PLSCR1: variants seen among roughly 807,000 people sequenced by gnomAD.
PLSCR1 encodes phospholipid scramblase 1.
Under a neutral mutation model 37.8 loss-of-function variants are expected in PLSCR1, and 17 were observed. The ratio of observed to expected loss-of-function variants is 0.45; its 90% CI spans 0.31 to 0.68. The LOEUF (loss-of-function observed/expected upper bound fraction) is 0.68, where lower values mean the gene tolerates loss of function less well. Among genes scored for constraint, PLSCR1 ranks in the 30% least tolerant of loss-of-function variants. PLSCR1 has a pLI of 0.06. For missense variants in PLSCR1, 347 were observed against 380.9 expected (o/e 0.91, Z 0.74); for synonymous variants, 116 against 125.9 (o/e 0.92, Z 0.53).
intron 4 of PLSCR1, among the ~76,000 whole-genome samples, chr3:146,526,635 T>G (rs1048916942): frequency 6.6e-6 from 1 of 152,144 alleles, no homozygotes; most frequent in East Asian, 1.9e-4. Flanking sequence ...AACCTAAGTA[T>G]TCATCAATAG....
chr3:146,528,312 A>T (rs1209984454), intron 4 of PLSCR1: 1 of 348,304 alleles, frequency 2.9e-6, no homozygotes, highest in East Asian at 6.8e-5. Context: ...GACTTTCAAT[A>T]AGGATTAAAT....
At chr3:146,523,825 C>G (rs1347153568) in intron 5 of PLSCR1, among the ~76,000 whole-genome samples, 1 of 152,206 alleles carries the variant, frequency 6.6e-6, no homozygotes, top group African/African-American at 2.4e-5. Context: ...GGAAACCTCT[C>G]CATATTTAAA....
At chr3:146,519,437 G>A (rs1190252275) in intron 7 of PLSCR1, among the ~76,000 whole-genome samples, 1 of 152,000 alleles carries the variant, frequency 6.6e-6, no homozygotes, top group Non-Finnish European at 1.5e-5. Context: ...AGCTGACTTG[G>A]TATGTCAGTT....
At chr3:146,525,320 AGTC>A (rs1459063867) in intron 5 of PLSCR1, among the ~76,000 whole-genome samples, 4 of 152,246 alleles carry the variant, frequency 2.6e-5, no homozygotes, top group Non-Finnish European at 5.9e-5. Flanking sequence ...AAGTGGTAGA[AGTC>A]AGAAAAAAAG....
chr3:146,536,534 A>C lies in PLSCR1; in HGVS notation c.13+6T>G. The C allele has an allele frequency of 1.5e-6, 2 of 1,357,880 alleles. No individual in the cohort carries two copies. Among genetic ancestry groups the C allele is most frequent in the South Asian group, 2.3e-5 (2 of 85,654 alleles). 84.1% of individuals were successfully genotyped at this position (1,357,880 alleles called of 1,614,324 possible). A position where few individuals can be genotyped will look rare whatever the true frequency, so the allele number is the denominator to read the frequency against. On this transcript the variant is annotated splice_donor_region_variant and intron_variant, in intron 2 of 8. Transcript: ENST00000342435. ...GGAAAGTAAACATTTAAAATAAATT[A>C]CTTACTTTGTTTGTCCATGATTAAA... is the stretch of plus-strand genomic sequence containing the variant.
In PLSCR1 at chr3:146,544,595, C is replaced by T. The variant is rs1189589791; in HGVS notation, c.-142G>A. On this transcript the variant is annotated 5_prime_UTR_variant, in exon 1 of 9. Coordinates refer to ENST00000342435, the MANE Select transcript of PLSCR1 (RefSeq NM_021105.3). ...CTGCGCAACCTTCTCAGAAGTCAGC[C>T]GGAAAAGGGTCTGGGAGTAACCTTT... is the stretch of plus-strand genomic sequence containing the variant. 1.3e-5 allele frequency: 2 copies of T among 152,384 alleles called. No individual in the cohort carries two copies. The highest frequency in any genetic ancestry group is 6.5e-5 in the Admixed American group (1 of 15,284). 9.4% of individuals were successfully genotyped at this position (152,384 alleles called of 1,614,324 possible).
chr3:146,533,505 C>A lies in PLSCR1; in HGVS notation c.59G>T (p.Gly20Val), dbSNP rs79551579. The A allele has an allele frequency of 1.8e-3, 2,862 of 1,607,768 alleles. 36 individuals are homozygous for A. The African/African-American group carries it at 0.035, about 19-fold the overall frequency. The change falls in exon 3 of 9, where the codon GGG becomes GTG. Residue 20 changes from glycine (G) to valine (V), a missense_variant. Coordinates refer to ENST00000342435, the MANE Select transcript of PLSCR1 (RefSeq NM_021105.3). ...TGTCGGTGGATACTGAGGAGGATAC[C>A]CAACTGGCAAGTTTGTTTCCGGGTG... ...ASHPETNLPV[G>V]YPPQYPPTAF...
chr3:146,524,744 A>G (rs2044082502), intron 5 of PLSCR1, among the ~76,000 whole-genome samples: 1 of 152,204 alleles, frequency 6.6e-6, no homozygotes, highest in Admixed American at 6.5e-5. Context: ...TGCTTTACAA[A>G]TAACTTCAAT....
intron 5 of PLSCR1, among the ~76,000 whole-genome samples, chr3:146,524,061 T>C (rs935808750): frequency 2.6e-5 from 4 of 152,196 alleles, no homozygotes; most frequent in Non-Finnish European, 5.9e-5. Flanking sequence ...AGACAGACCC[T>C]GTACTCTGCA....
chr3:146,533,638 C>T, intron 2 of PLSCR1, 88 bp from the exon 3 acceptor site: 1 of 747,374 alleles, frequency 1.3e-6, no homozygotes, highest in Non-Finnish European at 2.2e-6. Flanking sequence ...ATAATTGTAA[C>T]TTGTATGTTC....
At position 146,525,601 on chromosome 3, in the gene PLSCR1, A is replaced by C. The variant is rs1335119631; in HGVS notation, c.355+4T>G. ...GAAACAGGATTAAAACAATGAATAC[A>C]TACCTTCCAGAAGTTCAATTTGCTG... On this transcript the variant is annotated splice_donor_region_variant and intron_variant, in intron 5 of 8. Transcript: ENST00000342435. The C allele has an allele frequency of 1.2e-5, 18 of 1,459,972 alleles. No homozygotes were observed. Among genetic ancestry groups the C allele is most frequent in the Non-Finnish European group, 1.6e-5 (17 of 1,045,562 alleles). 90.4% of individuals were successfully genotyped at this position (1,459,972 alleles called of 1,614,324 possible).
chr3:146,527,418 C>T (rs2044132853), intron 4 of PLSCR1, among the ~76,000 whole-genome samples: 1 of 152,148 alleles, frequency 6.6e-6, no homozygotes, highest in Non-Finnish European at 1.5e-5. Flanking sequence ...ACACGTAGTA[C>T]ATGTGCATTA....
intron 3 of PLSCR1, 55 bp from the exon 4 acceptor site, chr3:146,528,886 A>G: frequency 7.5e-7 from 1 of 1,334,306 alleles, no homozygotes; most frequent in Non-Finnish European, 1.1e-6. Flanking sequence ...GGAATTGTCA[A>G]CCTTTTTAGG....
At chr3:146,539,524 C>T (rs2044310054) in intron 1 of PLSCR1, among the ~76,000 whole-genome samples, 1 of 152,248 alleles carries the variant, frequency 6.6e-6, no homozygotes, top group South Asian at 2.1e-4. Flanking sequence ...CAAGTCGTTG[C>T]CAAATGAATA....
chr3:146,524,377 T>G (rs1291947015), intron 5 of PLSCR1, among the ~76,000 whole-genome samples: 1 of 152,058 alleles, frequency 6.6e-6, no homozygotes, highest in East Asian at 1.9e-4. Flanking sequence ...AATCTTCATC[T>G]TTTTTATACC....
intron 3 of PLSCR1, among the ~76,000 whole-genome samples, chr3:146,531,503 A>C (rs1473364713): frequency 6.6e-6 from 1 of 152,190 alleles, no homozygotes; most frequent in African/African-American, 2.4e-5. Flanking sequence ...TTAATTTCTT[A>C]CATTTTTAAC....
intron 5 of PLSCR1, among the ~76,000 whole-genome samples, chr3:146,523,215 G>A (rs2044056817): frequency 6.6e-6 from 1 of 152,192 alleles, no homozygotes; most frequent in African/African-American, 2.4e-5. Flanking sequence ...AGTGTGGAGG[G>A]GCAACCCATC....
chr3:146,526,849 T>C (rs2044123819), intron 4 of PLSCR1, among the ~76,000 whole-genome samples: 1 of 152,046 alleles, frequency 6.6e-6, no homozygotes, highest in African/African-American at 2.4e-5. Context: ...TTCTTAGAAG[T>C]AGAGAGTAGA....
intron 4 of PLSCR1, among the ~76,000 whole-genome samples, chr3:146,527,583 T>C (rs985695532): frequency 6.6e-6 from 1 of 152,242 alleles, no homozygotes; most frequent in Admixed American, 6.5e-5. Flanking sequence ...TTCAGATTTG[T>C]ATTAAGCATA....
Sources: gnomAD v4.1 joint callset for allele counts (sites outside exome capture counted in the v4.1 genomes callset) on GRCh38, gnomAD v4.1.1 for gene constraint, MANE v1.5 for transcripts, NCBI Gene and HGNC (gene_info 2026-07-23, HGNC 2026-07-21) for gene names.